Variants in NUMA1 observed in about 807,000 individuals in gnomAD.
NUMA1 encodes nuclear mitotic apparatus protein 1.
In NUMA1, 62 loss-of-function variants were observed where a neutral mutation model predicts 237.1. The ratio of observed to expected loss-of-function variants is 0.26; its 90% CI spans 0.21 to 0.32. The LOEUF is 0.32. Ranked by LOEUF, NUMA1 falls within the 10% of genes least tolerant of loss-of-function variation. The probability of loss-of-function intolerance (pLI) is 1.00; values close to 1 mark genes in which losing one functional copy is unlikely to be tolerated. For synonymous variants in NUMA1, 1,028 were observed against 1,066.1 expected, an observed-to-expected ratio of 0.96 and a Z score of 0.70; for missense variants, 2,533 against 2,666.5, an observed-to-expected ratio of 0.95 and a Z score of 1.10.
chr11:72,014,756 A>C lies in NUMA1; in HGVS notation c.2747T>G (p.Val916Gly). 1 of 1,614,000 alleles carries C rather than the reference A, an allele frequency of 6.2e-7. No homozygotes were observed. Among genetic ancestry groups the C allele is most frequent in the South Asian group, 1.1e-5 (1 of 91,082 alleles). The change falls in exon 15 of 27, where the codon GTG becomes GGG. Residue 916 changes from valine (V) to glycine (G), a missense_variant. Coordinates refer to ENST00000393695, the MANE Select transcript of NUMA1 (RefSeq NM_006185.4). This position sits in a 1 kb window ranked among gnomAD's most constrained non-coding sequence, Gnocchi z 4.6. ...GCGCACCAAGGTCTCCAAGCGGGCC[A>C]CCTCTTTGCTGGTGGCAGCCATCTT... ...QEKMAATSKEVARLETLVRKA... is the reference protein window; with the variant it reads ...QEKMAATSKEGARLETLVRKA...
chr11:72,058,376 C>G (rs1942775277), intron 2 of NUMA1, among the ~76,000 whole-genome samples: 1 of 151,840 alleles, frequency 6.6e-6, no homozygotes, highest in African/African-American at 2.4e-5. Flanking sequence ...TGCAACTTAT[C>G]TCATCTAACA....
chr11:72,034,519 C>T (rs986456175), intron 3 of NUMA1, among the ~76,000 whole-genome samples: 1 of 151,778 alleles, frequency 6.6e-6, no homozygotes, highest in Non-Finnish European at 1.5e-5. Context: ...CCATCCTGGC[C>T]AACATGGTGA....
chr11:72,022,255 T>TA, intron 7 of NUMA1, 84 bp downstream of exon 7: 1 of 804,054 alleles, frequency 1.2e-6, no homozygotes, highest in Admixed American at 2.4e-5. Flanking sequence ...AAAAGTCCAG[T>TA]ATCTGCTGTT....
Position 72,005,279 on chromosome 11 carries a change from C to T in NUMA1, c.5783G>A (p.Arg1928Gln), listed in dbSNP as rs752057618. The T allele has an allele frequency of 5.0e-6, 8 of 1,609,752 alleles. No homozygotes were observed. In the African/African-American group the frequency reaches 6.7e-5, roughly 13 times the overall value. Reference sequence around the variant, plus strand: ...GGTCTTCAGATGTGGGGGGCACACTCGATTGCGCTGCTGCAGCTCTGCAAT... The same window carrying T: ...GGTCTTCAGATGTGGGGGGCACACTTGATTGCGCTGCTGCAGCTCTGCAAT... ...NRIAELQQRN[R>Q]VCPPHLKTCY... The change falls in exon 23 of 27, where the codon CGA becomes CAA. Residue 1928 changes from arginine (R) to glutamine (Q), a missense_variant. Around this residue, in one of 3 missense-constraint regions of NUMA1, gnomAD observed 795 missense variants for 750.8 expected, o/e 1.06. Coordinates refer to ENST00000393695, the MANE Select transcript of NUMA1 (RefSeq NM_006185.4).
chr11:72,059,592 G>A (rs676721), intron 2 of NUMA1, among the ~76,000 whole-genome samples: 135,468 of 152,254 alleles, frequency 0.89, 60,522 homozygotes, highest in Non-Finnish European at 0.95. Context: ...TTAAAAGCTT[G>A]AAAAAATCCT....
chr11:72,007,721 TA>T, intron 20 of NUMA1: 1 of 471,498 alleles, frequency 2.1e-6, no homozygotes, highest in Non-Finnish European at 3.8e-6. Flanking sequence ...CGTCCCAATC[TA>T]AGCCCACTTC....
intron 2 of NUMA1, among the ~76,000 whole-genome samples, chr11:72,051,867 C>A (rs1942380315): frequency 6.6e-6 from 1 of 152,112 alleles, no homozygotes; most frequent in Admixed American, 6.6e-5. Context: ...TTGGGGTGTG[C>A]TGAAAGGAAG....
Position 72,012,396 on chromosome 11 carries a change from A to G in NUMA1, c.4650+5T>C. On this transcript the variant is annotated splice_donor_5th_base_variant and intron_variant, in intron 16 of 26. Transcript: ENST00000393695. ...CCAGCATTTAGCGAGGACCTCAGGCATTACCTGCTTAGTTTGCTCTCTCTG... is the reference window on the plus strand; with the variant it reads ...CCAGCATTTAGCGAGGACCTCAGGCGTTACCTGCTTAGTTTGCTCTCTCTG... 2.5e-6 allele frequency: 4 copies of G among 1,612,902 alleles called. No homozygotes were observed. The highest frequency in any genetic ancestry group is 3.4e-6 in the Non-Finnish European group (4 of 1,179,478).
chr11:72,017,620 GTGGTAAACTGGAC>G, intron 13 of NUMA1, 54 bp downstream of exon 13: 2 of 1,585,620 alleles, frequency 1.3e-6, no homozygotes, highest in Middle Eastern at 1.7e-4. Context: ...GAAGAGCACA[GTGGTAAACTGGAC>G]TCAGCTTTGC....
At chr11:72,030,329 C>G (rs543172256) in intron 3 of NUMA1, among the ~76,000 whole-genome samples, 1 of 143,090 alleles carries the variant, frequency 7.0e-6, no homozygotes, top group Non-Finnish European at 1.5e-5. Context: ...GAGCAAGACC[C>G]TGTCTCCAAA....
At position 72,014,013 on chromosome 11, in the gene NUMA1, G is replaced by C. The variant is rs1303628341; in HGVS notation, c.3490C>G (p.Leu1164Val). The C allele has an allele frequency of 3.7e-6, 6 of 1,611,980 alleles. No homozygotes were observed. The East Asian group carries it at 1.3e-4, about 36-fold the overall frequency. The change falls in exon 15 of 27, where the codon CTG (leucine) becomes GTG (valine). Residue 1164 changes from leucine (L) to valine (V), a missense_variant. Transcript: ENST00000393695. The surrounding 1 kb of genome is among the most constrained non-coding windows in gnomAD (Gnocchi z 4.6). The stretch of plus-strand genomic sequence containing the variant: ...TCTAACTGGCCCTGCAGAGTCTCCA[G>C]AGCACTGTCCCGCTCAGCCCGGGAG... ...RASRAERDSA[L>V]ETLQGQLEEK...
At chr11:72,007,589 T>C (rs2134555897) in intron 20 of NUMA1, 154 bp from the exon 21 acceptor site, 1 of 933,174 alleles carries the variant, frequency 1.1e-6, no homozygotes, top group Non-Finnish European at 1.6e-6. Context: ...AGGAAAGCAC[T>C]TGACCTGGGC....
intron 15 of NUMA1, 121 bp from the exon 16 acceptor site, chr11:72,012,563 T>G (rs1956226836): frequency 1.0e-6 from 1 of 995,752 alleles, no homozygotes; most frequent in South Asian, 1.5e-5. Context: ...AGATTGACAG[T>G]AAGTTTAAAA....
chr11:72,029,165 T>C, intron 4 of NUMA1, 40 bp downstream of exon 4: 5 of 1,459,124 alleles, frequency 3.4e-6, no homozygotes, highest in Non-Finnish European at 4.8e-6. Flanking sequence ...AGCAATCAGC[T>C]TTGCCTTAGA....
chr11:72,030,155 T>G (rs1940102822), intron 3 of NUMA1, among the ~76,000 whole-genome samples: 1 of 151,770 alleles, frequency 6.6e-6, no homozygotes, highest in African/African-American at 2.4e-5. Context: ...GGCAACATGG[T>G]GAAACCCTGT....
At chr11:72,053,984 C>G (rs1942503411) in intron 2 of NUMA1, among the ~76,000 whole-genome samples, 1 of 152,044 alleles carries the variant, frequency 6.6e-6, no homozygotes, top group Admixed American at 6.6e-5. Flanking sequence ...AATATTATAC[C>G]ATTTTATATA....
chr11:72,004,624 G>A lies in NUMA1; in HGVS notation c.6006+16C>T. 4.3e-6 allele frequency: 7 copies of A among 1,609,520 alleles called. 1 individual carries two copies. The South Asian group carries it at 5.5e-5, about 13-fold the overall frequency. ...AGCACAGTGCTGGAGTAACACCCAG[G>A]AGCCACCGCGCCTACCTCAGGAGTT... On this transcript the variant is annotated intron_variant, in intron 24 of 26. Transcript: ENST00000393695.
intron 2 of NUMA1, among the ~76,000 whole-genome samples, chr11:72,050,404 A>G (rs1394693313): frequency 6.6e-6 from 1 of 152,210 alleles, no homozygotes; most frequent in African/African-American, 2.4e-5. Flanking sequence ...TGAGTTCTAA[A>G]CAGGAAGACA....
At chr11:72,035,774 T>C (rs1028832182) in intron 3 of NUMA1, 128 bp downstream of exon 3, 26 of 862,052 alleles carry the variant, frequency 3.0e-5, no homozygotes, top group Non-Finnish European at 4.8e-5. Flanking sequence ...CCATGCTGTC[T>C]AAAGGAAAAC....
Sources: allele counts gnomAD v4.1 joint callset (sites outside exome capture counted in the v4.1 genomes callset), GRCh38; gene constraint gnomAD v4.1.1; regional missense constraint gnomAD v4.1.1; non-coding constraint Gnocchi (gnomAD v3.1); transcripts MANE v1.5; gene names NCBI Gene and HGNC (gene_info 2026-07-23, HGNC 2026-07-21).